The following PSPC1 variants were observed in gnomAD, a reference collection of about 807,000 sequenced individuals.
PSPC1 encodes paraspeckle component 1, also known as paraspeckle protein 1.
PSPC1 carries 14 observed loss-of-function variants against 51.6 expected under a neutral mutation model. The observed-to-expected ratio is 0.27, with a 90% CI of 0.18 to 0.42. The LOEUF (loss-of-function observed/expected upper bound fraction) is 0.42. Ranked by LOEUF, PSPC1 falls within the 10% of genes least tolerant of loss-of-function variation. PSPC1 has a pLI of 1.00. For missense variants in PSPC1, 406 were observed against 701.1 expected, an observed-to-expected ratio of 0.58 and a Z score of 4.75; for synonymous variants, 193 against 231.9, an observed-to-expected ratio of 0.83 and a Z score of 1.53.
At chr13:19,776,847 C>T (rs1415365570) in intron 1 of PSPC1, among the ~76,000 whole-genome samples, 1 of 147,734 alleles carries the variant, frequency 6.8e-6, no homozygotes, top group Non-Finnish European at 1.5e-5. Context: ...AATAATATGC[C>T]GGGCATGGTG....
At chr13:19,755,943 A>C (rs573409113) in intron 3 of PSPC1, among the ~76,000 whole-genome samples, 1 of 152,262 alleles carries the variant, frequency 6.6e-6, no homozygotes, top group South Asian at 2.1e-4. Context: ...TTATTTATCT[A>C]ATAAACAAGT....
Position 19,782,887 on chromosome 13 carries a change from G to A in PSPC1, c.-130C>T. ...ACAATCAAGAGACCGCTAGGTAGGCGAGTCGGCAACCCGTCCTCCCCCAAC... is the reference window on the plus strand; with the variant it reads ...ACAATCAAGAGACCGCTAGGTAGGCAAGTCGGCAACCCGTCCTCCCCCAAC... On this transcript the variant is annotated 5_prime_UTR_variant, in exon 1 of 9. Transcript: ENST00000338910. This position sits in a 1 kb window ranked among gnomAD's most constrained non-coding sequence, Gnocchi z 4.5. The A allele has an allele frequency of 1.8e-6, 2 of 1,127,560 alleles. No individual in the cohort carries two copies. The highest frequency in any genetic ancestry group is 2.8e-5 in the South Asian group (1 of 36,214). The allele number at this position is 1,127,560 out of a possible 1,614,324, so 69.8% of individuals were successfully genotyped here.
chr13:19,755,855 C>G (rs1364886021), intron 3 of PSPC1, among the ~76,000 whole-genome samples: 4 of 152,068 alleles, frequency 2.6e-5, no homozygotes, highest in Admixed American at 1.3e-4. Context: ...GCTCTAAATC[C>G]TAGTTATAAA....
intron 1 of PSPC1, among the ~76,000 whole-genome samples, chr13:19,778,636 GTGCCGGGA>G (rs1179291007): frequency 1.7e-5 from 2 of 119,256 alleles, no homozygotes; most frequent in Non-Finnish European, 3.7e-5. Flanking sequence ...GCCTCCCGAG[GTGCCGGGA>G]TTGCAGACGG....
At position 19,704,547 on chromosome 13, in the gene PSPC1, A is replaced by G. The variant is rs17051842; in HGVS notation, c.1386+1115T>C. Among the ~76,000 whole-genome samples, 1,343 of 152,358 alleles carry G rather than the reference A, an allele frequency of 8.8e-3. 10 individuals carry two copies. Among genetic ancestry groups the G allele is most frequent in the African/African-American group, 0.031 (1,273 of 41,550 alleles). ...GCATTGGCGCCTCAAGATTTCATAC[A>G]GTAGTTTCAAAACTAAACTGCCTTT... On this transcript the variant is annotated intron_variant, in intron 8 of 8. Coordinates refer to ENST00000338910, the MANE Select transcript of PSPC1 (RefSeq NM_001354909.2).
At chr13:19,763,062 G>A (rs1048496405) in intron 2 of PSPC1, among the ~76,000 whole-genome samples, 7 of 151,890 alleles carry the variant, frequency 4.6e-5, no homozygotes, top group East Asian at 1.9e-4. Flanking sequence ...CTGAGACCGC[G>A]GCATTGCACT....
chr13:19,699,189 GA>G (rs1477889434), downstream of PSPC1, among the ~76,000 whole-genome samples: 2 of 151,802 alleles, frequency 1.3e-5, no homozygotes, highest in African/African-American at 4.8e-5. Context: ...CACTACTTTT[GA>G]TATTTATTTT....
At chr13:19,680,138 C>G (rs952299976) in intron 6 of PSPC1, among the ~76,000 whole-genome samples, 2 of 152,100 alleles carry the variant, frequency 1.3e-5, no homozygotes, top group African/African-American at 4.8e-5. Flanking sequence ...CCTCAGCTGC[C>G]CAAGTAGCCG....
chr13:19,743,293 C>A (rs539713802), intron 4 of PSPC1, among the ~76,000 whole-genome samples: 338 of 152,216 alleles, frequency 2.2e-3, no homozygotes, highest in African/African-American at 8.0e-3. Flanking sequence ...GAACAAATTA[C>A]CTCAACTGAA....
At chr13:19,680,633 T>G (rs1877165194) in intron 6 of PSPC1, among the ~76,000 whole-genome samples, 3 of 152,082 alleles carry the variant, frequency 2.0e-5, no homozygotes, top group Admixed American at 6.5e-5. Flanking sequence ...ATAATCAAAT[T>G]AAAAGAAAAG....
At chr13:19,724,521 A>G (rs528000467) in intron 6 of PSPC1, among the ~76,000 whole-genome samples, 5 of 152,202 alleles carry the variant, frequency 3.3e-5, no homozygotes, top group Non-Finnish European at 7.3e-5. Flanking sequence ...AGGGGTTCAC[A>G]TTTGAAAGAA....
intron 6 of PSPC1, among the ~76,000 whole-genome samples, chr13:19,687,489 A>G (rs1461691553): frequency 6.6e-6 from 1 of 152,142 alleles, no homozygotes; most frequent in African/African-American, 2.4e-5. Flanking sequence ...CTCTACTGAC[A>G]ATTCTCTAGC....
intron 5 of PSPC1, 55 bp downstream of exon 5, chr13:19,741,510 G>A (rs964070589): frequency 4.4e-5 from 55 of 1,251,102 alleles, no homozygotes; most frequent in Non-Finnish European, 5.8e-5. Context: ...AGGTTGTGGG[G>A]AGTTTTTATT....
chr13:19,778,996 A>G (rs1366822222), intron 1 of PSPC1, among the ~76,000 whole-genome samples: 1 of 138,328 alleles, frequency 7.2e-6, no homozygotes, highest in Non-Finnish European at 1.6e-5. Flanking sequence ...CCATCGTCTG[A>G]GATGTGGGGA....
chr13:19,728,434 G>A (rs1883616308), intron 6 of PSPC1, among the ~76,000 whole-genome samples: 2 of 104,444 alleles, frequency 1.9e-5, no homozygotes, highest in African/African-American at 4.7e-5. Flanking sequence ...TAATTTCAAA[G>A]CTTAAACACA....
At chr13:19,686,005 G>A (rs1344639545) in intron 6 of PSPC1, among the ~76,000 whole-genome samples, 1 of 152,024 alleles carries the variant, frequency 6.6e-6, no homozygotes, top group African/African-American at 2.4e-5. Context: ...ATATTTATCT[G>A]CCAACAGTGA....
chr13:19,730,957 C>CA lies in PSPC1; in HGVS notation c.1053-614dup, dbSNP rs1483772556. Among the ~76,000 whole-genome samples the CA allele has an allele frequency of 5.7e-3, 210 of 36,978 alleles. 6 individuals are homozygous for CA. The highest frequency in any genetic ancestry group is 0.014 in the African/African-American group (169 of 12,178). The allele number at this position is 36,978 out of a possible 152,430, so 24.3% of individuals were successfully genotyped here. A position where few individuals can be genotyped will look rare whatever the true frequency, so the allele number is the denominator to read the frequency against. ...GAGACCCTGTCTCAGAAAAAAAAAA[C>CA]AAAAAAACAAAAAAAAAAAAAACAG... On this transcript the variant is annotated intron_variant, in intron 5 of 8. Transcript: ENST00000338910.
intron 7 of PSPC1, among the ~76,000 whole-genome samples, chr13:19,706,695 T>G (rs1363094551): frequency 6.6e-6 from 1 of 152,096 alleles, no homozygotes; most frequent in Non-Finnish European, 1.5e-5. Flanking sequence ...TTTTTCCCTT[T>G]TAAGTGTTAG....
intron 1 of PSPC1, among the ~76,000 whole-genome samples, chr13:19,776,773 C>T (rs1469793602): frequency 1.3e-5 from 2 of 151,254 alleles, no homozygotes; most frequent in Non-Finnish European, 2.9e-5. Context: ...TCCCAAAGTT[C>T]TGGGATTACA....
Sources: gnomAD v4.1 joint callset for allele counts (sites outside exome capture counted in the v4.1 genomes callset) on GRCh38, gnomAD v4.1.1 for gene constraint, Gnocchi (gnomAD v3.1) non-coding constraint, MANE v1.5 for transcripts, NCBI Gene and HGNC (gene_info 2026-07-23, HGNC 2026-07-21) for gene names.